Variants in GOLGA6L7 observed in about 807,000 individuals in gnomAD.
GOLGA6L7 encodes the protein golgin subfamily A member 6-like protein 7.
In GOLGA6L7, 29 loss-of-function variants were observed where a neutral mutation model predicts 68.9. That is an observed-to-expected ratio of 0.42 (90% CI 0.31 to 0.57). GOLGA6L7 has a LOEUF of 0.57. Among genes scored for constraint, GOLGA6L7 ranks in the 20% least tolerant of loss-of-function variants. GOLGA6L7 has a pLI of 0.13. For missense variants in GOLGA6L7, 396 were observed against 588.4 expected (o/e 0.67, Z 3.38); for synonymous variants, 133 against 197.4 (o/e 0.67, Z 2.73).
intron 1 of GOLGA6L7, among the ~76,000 whole-genome samples, 160 bp from the exon 2 acceptor site, chr15:28,847,352 A>G (rs2030476956): frequency 6.7e-6 from 1 of 150,324 alleles, no homozygotes; most frequent in Non-Finnish European, 1.5e-5. Flanking sequence ...GATTGATACC[A>G]TGGCTAAAAG....
chr15:28,847,813 C>T (rs1291932472), intron 1 of GOLGA6L7, among the ~76,000 whole-genome samples: 1 of 152,372 alleles, frequency 6.6e-6, no homozygotes, highest in East Asian at 1.9e-4. Flanking sequence ...ATCTCTTGCA[C>T]AGAAGATGAG....
Position 28,844,255 on chromosome 15 carries a change from C to T in GOLGA6L7, c.471G>A (p.Lys157=), listed in dbSNP as rs2030326744. Reference sequence around the variant, plus strand: ...TGGCTTCCCTCTCCTTTGTTAACTCCTTGATGTACTGCAAACAGAGAAAGG... The same window carrying T: ...TGGCTTCCCTCTCCTTTGTTAACTCTTTGATGTACTGCAAACAGAGAAAGG... ...AEHERADKYI[K]ELTKEREAMS... Residue 157 remains lysine, a synonymous_variant, in exon 7 of 9, where the codon AAG becomes AAA. Coordinates refer to ENST00000567390, the MANE Select transcript of GOLGA6L7 (RefSeq NM_001365371.2). 2 of 495,134 alleles carry T rather than the reference C, an allele frequency of 4.0e-6. No individual in the cohort carries two copies. 30.7% of individuals were successfully genotyped at this position (495,134 alleles called of 1,614,324 possible).
rs577453827 is a variant in GOLGA6L7 at position 28,845,544 on chromosome 15, G to T, written c.447C>A (p.His149Gln). 8.5e-5 allele frequency: 62 copies of T among 729,270 alleles called. No homozygotes were observed. In the African/African-American group the frequency reaches 9.7e-4, roughly 11 times the overall value. The allele number at this position is 729,270 out of a possible 1,614,324, so 45.2% of individuals were successfully genotyped here. A position where few individuals can be genotyped will look rare whatever the true frequency, so the allele number is the denominator to read the frequency against. The stretch of plus-strand genomic sequence containing the variant: ...TTGGACTCACCTTGTCCGCCCTCTC[G>T]TGCTCTGCGGACATAGCAGAGAGAG... ...QRALSAMSAE[H>Q]ERADKYIKEL... The change falls in exon 6 of 9, where the codon CAC becomes CAA. Residue 149 changes from histidine to glutamine, a missense_variant. Transcript: ENST00000567390.
chr15:28,844,007 A>C (rs367770018), intron 7 of GOLGA6L7, 132 bp from the exon 8 acceptor site: 14 of 599,970 alleles, frequency 2.3e-5, no homozygotes, highest in East Asian at 5.7e-5. Context: ...TAAAAGTCCC[A>C]GGTGGCAGGC....
At position 28,847,148 on chromosome 15, in the gene GOLGA6L7, TC is replaced by T; in HGVS notation, c.95del (p.Gly32GlufsTer10). On this transcript the variant is annotated frameshift_variant, in exon 2 of 9. Coordinates refer to ENST00000567390, the MANE Select transcript of GOLGA6L7 (RefSeq NM_001365371.2). LOFTEE classifies it high-confidence loss of function. Reference sequence around the variant, plus strand: ...TTTTCTTCTTTTTGGTGTCGGTTGCTCCGGTACCAACACCAGCACTGTTCCA... The same window carrying T: ...TTTTCTTCTTTTTGGTGTCGGTTGCTCGGTACCAACACCAGCACTGTTCCA... ...HQWNSAGVGT[G>X]ATDTKKKKIN... The T allele has an allele frequency of 7.8e-7, 1 of 1,280,676 alleles. No homozygotes were observed. The highest frequency in any genetic ancestry group is 1.7e-5 in the Admixed American group (1 of 58,072). The allele number at this position is 1,280,676 out of a possible 1,614,324, so 79.3% of individuals were successfully genotyped here.
At chr15:28,848,114 G>A (rs1313120024) in intron 1 of GOLGA6L7, among the ~76,000 whole-genome samples, 1 of 152,116 alleles carries the variant, frequency 6.6e-6, no homozygotes, top group Non-Finnish European at 1.5e-5. Context: ...AGTATGGAGT[G>A]GGGAGCCCCA....
At chr15:28,844,996 A>G (rs1360883958) in intron 6 of GOLGA6L7, 3 of 194,038 alleles carry the variant, frequency 1.5e-5, no homozygotes, top group African/African-American at 7.2e-5. Flanking sequence ...TGAAAGAATG[A>G]TACATTGGCA....
chr15:28,847,836 C>G (rs1224410356), intron 1 of GOLGA6L7, among the ~76,000 whole-genome samples: 1 of 152,234 alleles, frequency 6.6e-6, no homozygotes, highest in Non-Finnish European at 1.5e-5. Flanking sequence ...AATCTCACTT[C>G]AAAGATCACT....
chr15:28,847,428 G>C (rs1395380014), intron 1 of GOLGA6L7, among the ~76,000 whole-genome samples: 1 of 151,658 alleles, frequency 6.6e-6, no homozygotes, highest in Non-Finnish European at 1.5e-5. Context: ...CCACAAATCA[G>C]CAGCTGCCAG....
In GOLGA6L7 at chr15:28,845,713, C is replaced by G; in HGVS notation, c.355+5G>C. On this transcript the variant is annotated splice_donor_5th_base_variant and intron_variant, in intron 5 of 8. Coordinates refer to ENST00000567390, the MANE Select transcript of GOLGA6L7 (RefSeq NM_001365371.2). ...TGAAGGATGACGGGGTGCCCAGATT[C>G]CCACCTTCAAATTTCCTGGCAGCAT... 1.3e-6 allele frequency: 1 copy of G among 776,382 alleles called. No homozygotes were observed. The allele number at this position is 776,382 out of a possible 1,614,324, so 48.1% of individuals were successfully genotyped here.
At chr15:28,844,184 T>TC (rs1199752603) in intron 7 of GOLGA6L7, 21 bp downstream of exon 7, 9 of 316,500 alleles carry the variant, frequency 2.8e-5, no homozygotes, top group South Asian at 6.2e-5. Flanking sequence ...AGACCTCCCA[T>TC]CCCCCCCTCC....
rs540302806 is a variant in GOLGA6L7 at position 28,842,543 on chromosome 15, G to A, written c.1561C>T (p.Arg521Trp). Residue 521 changes from arginine (R) to tryptophan (W), a missense_variant, in exon 9 of 9, where the codon CGG becomes TGG. Physicochemically the swap from Arg to Trp is moderately radical, Grantham distance 101. Around this residue, in one of 5 missense-constraint regions of GOLGA6L7, gnomAD observed 125 missense variants for 163.3 expected, o/e 0.77. Coordinates refer to ENST00000567390, the MANE Select transcript of GOLGA6L7 (RefSeq NM_001365371.2). ...EKMQEEEEKI[R>W]RQVEKRREKK... ...TCCCGCCTCTTCTCCACCTGCCTCC[G>A]GATCTTCTCCTCCTCCTCCTGCATC... The A allele has an allele frequency of 6.9e-5, 86 of 1,239,664 alleles. No homozygotes were observed. Among genetic ancestry groups the A allele is most frequent in the African/African-American group, 1.1e-4 (7 of 64,258 alleles). The allele number at this position is 1,239,664 out of a possible 1,614,324, so 76.8% of individuals were successfully genotyped here. A position where few individuals can be genotyped will look rare whatever the true frequency, so the allele number is the denominator to read the frequency against.
intron 6 of GOLGA6L7, among the ~76,000 whole-genome samples, chr15:28,844,660 C>T (rs1444698395): frequency 6.7e-6 from 1 of 148,466 alleles, no homozygotes; most frequent in Non-Finnish European, 1.5e-5. Context: ...GAATTGATAG[C>T]TGGCTAACAG....
chr15:28,842,109 A>T lies in GOLGA6L7; in HGVS notation c.*126T>A. ...AGTGGTGTGATTACAGGTGCAGGCCACCGTGCCCGGCCAGTATTTTGCCAC... is the reference window on the plus strand; with the variant it reads ...AGTGGTGTGATTACAGGTGCAGGCCTCCGTGCCCGGCCAGTATTTTGCCAC... On this transcript the variant is annotated 3_prime_UTR_variant, in exon 9 of 9. Transcript: ENST00000567390. 1 of 807,824 alleles carries T rather than the reference A, an allele frequency of 1.2e-6. No individual in the cohort carries two copies. The highest frequency in any genetic ancestry group is 1.7e-6 in the Non-Finnish European group (1 of 605,468). 50.0% of individuals were successfully genotyped at this position (807,824 alleles called of 1,614,324 possible).
rs1350521923 is a variant in GOLGA6L7 at position 28,842,456 on chromosome 15, G to A, written c.1648C>T (p.Leu550Phe). ...TQEERCSEPC[L>F]PPSKYPSDMS... ...TCAGAAGGATATTTGGAGGGAGGGA[G>A]GCAGGGCTCTGAGCACCGCTCCTCC... The change falls in exon 9 of 9, where the codon CTC (leucine) becomes TTC (phenylalanine). Residue 550 changes from leucine (L) to phenylalanine (F), a missense_variant. Leu to Phe is a conservative substitution (Grantham distance 22). Transcript: ENST00000567390. 1 of 1,128,786 alleles carries A rather than the reference G, an allele frequency of 8.9e-7. No homozygotes were observed. Among genetic ancestry groups the A allele is most frequent in the Non-Finnish European group, 1.1e-6 (1 of 886,890 alleles). 69.9% of individuals were successfully genotyped at this position (1,128,786 alleles called of 1,614,324 possible).
chr15:28,846,094 G>A (rs1595357563), intron 3 of GOLGA6L7, 126 bp downstream of exon 3: 1 of 734,406 alleles, frequency 1.4e-6, no homozygotes, highest in Non-Finnish European at 2.5e-6. Flanking sequence ...TGGGGATGGG[G>A]TGGAAGCTGG....
chr15:28,844,524 G>A (rs1415444875), intron 6 of GOLGA6L7, among the ~76,000 whole-genome samples: 2 of 145,864 alleles, frequency 1.4e-5, no homozygotes, highest in African/African-American at 2.6e-5. Context: ...TCCGCCTCCC[G>A]GCTTCAAGCG....
At chr15:28,846,936 A>C in intron 2 of GOLGA6L7, 128 bp downstream of exon 2, 1 of 519,154 alleles carries the variant, frequency 1.9e-6, no homozygotes, top group South Asian at 2.4e-5. Flanking sequence ...AGTTGGAGAG[A>C]GAAGTAGGAC....
chr15:28,848,266 G>A (rs1328316907), intron 1 of GOLGA6L7, among the ~76,000 whole-genome samples: 4 of 152,098 alleles, frequency 2.6e-5, no homozygotes, highest in Admixed American at 2.0e-4. Flanking sequence ...ACAAAGCAGG[G>A]AGCCCCACGA....
Sources: allele counts gnomAD v4.1 joint callset (sites outside exome capture counted in the v4.1 genomes callset), GRCh38; gene constraint gnomAD v4.1.1; regional missense constraint gnomAD v4.1.1; transcripts MANE v1.5; gene names NCBI Gene and HGNC (gene_info 2026-07-23, HGNC 2026-07-21).